The following CORO2B variants were observed in gnomAD, a reference collection of about 807,000 sequenced individuals.
The protein encoded by CORO2B is coronin-2B.
Under a neutral mutation model 58.8 loss-of-function variants are expected in CORO2B, and 26 were observed. The observed-to-expected ratio is 0.44, with a 90% CI of 0.32 to 0.61. The LOEUF (loss-of-function observed/expected upper bound fraction) is 0.61, where lower values mean the gene tolerates loss of function less well. Among genes scored for constraint, CORO2B ranks in the 20% least tolerant of loss-of-function variants. CORO2B has a pLI of 0.04. For synonymous variants in CORO2B, 242 were observed against 253.8 expected (o/e 0.95, Z 0.44); for missense variants, 460 against 645.1 (o/e 0.71, Z 3.11).
At chr15:68,598,463 A>C (rs1899895345) in intron 1 of CORO2B, among the ~76,000 whole-genome samples, 1 of 152,226 alleles carries the variant, frequency 6.6e-6, no homozygotes, top group Non-Finnish European at 1.5e-5. Flanking sequence ...ATCCAAGGGC[A>C]GCAGTCCAAT....
chr15:68,550,888 C>T, the CORO2B span, among the ~76,000 whole-genome samples: 3 of 152,216 alleles, frequency 2.0e-5, no homozygotes, highest in Admixed American at 6.5e-5. Flanking sequence ...AGGACTCGAA[C>T]GCAGCCCACC....
At chr15:68,600,859 A>G (rs1418927735) in intron 1 of CORO2B, among the ~76,000 whole-genome samples, 1 of 152,172 alleles carries the variant, frequency 6.6e-6, no homozygotes, top group African/African-American at 2.4e-5. Context: ...GAGGAAGGTG[A>G]GGAGGGAGAG....
chr15:68,629,844 G>A (rs1646091676), intron 1 of CORO2B, among the ~76,000 whole-genome samples: 1 of 152,148 alleles, frequency 6.6e-6, no homozygotes, highest in Admixed American at 6.5e-5. Context: ...GTGTGTCTGT[G>A]TGTGTGTGTT....
Position 68,645,101 on chromosome 15 carries a change from C to G in CORO2B, c.16-59C>G, listed in dbSNP as rs566317056. 2.6e-6 allele frequency: 4 copies of G among 1,559,764 alleles called. No homozygotes were observed. The South Asian group carries it at 4.6e-5, about 18-fold the overall frequency. On this transcript the variant is annotated intron_variant, in intron 1 of 11. Transcript: ENST00000261861. The surrounding 1 kb of genome is among the most constrained non-coding windows in gnomAD (Gnocchi z 4.5). ...CAGCTTCCCTCCCCCAAGAGCCCAGCCGAGGCCCTTCATGGCACAGGGCCC... is the reference window on the plus strand; with the variant it reads ...CAGCTTCCCTCCCCCAAGAGCCCAGGCGAGGCCCTTCATGGCACAGGGCCC...
chr15:68,637,142 C>G (rs986591922), intron 1 of CORO2B, among the ~76,000 whole-genome samples: 2 of 152,166 alleles, frequency 1.3e-5, no homozygotes, highest in South Asian at 2.1e-4. Flanking sequence ...GATGCATAAC[C>G]AAGTTTGGAA....
At chr15:68,721,751 T>TTTAC (rs1893166572) in intron 11 of CORO2B, among the ~76,000 whole-genome samples, 1 of 143,854 alleles carries the variant, frequency 7.0e-6, no homozygotes, top group African/African-American at 2.5e-5. Context: ...CTTGTATTTA[T>TTTAC]TTATTTATGT....
At chr15:68,564,827 T>C in the CORO2B span, among the ~76,000 whole-genome samples, 1 of 152,236 alleles carries the variant, frequency 6.6e-6, no homozygotes, top group East Asian at 1.9e-4. Context: ...CAGAAGGTGC[T>C]TCCCAAATAG....
intron 11 of CORO2B, among the ~76,000 whole-genome samples, chr15:68,720,728 C>G (rs1893140491): frequency 6.6e-6 from 1 of 152,170 alleles, no homozygotes; most frequent in Non-Finnish European, 1.5e-5. Flanking sequence ...AAGATGGAAG[C>G]TACAGTCTTT....
At chr15:68,597,045 A>G (rs997652307) in intron 1 of CORO2B, among the ~76,000 whole-genome samples, 2 of 150,376 alleles carry the variant, frequency 1.3e-5, no homozygotes, top group Non-Finnish European at 3.0e-5. Flanking sequence ...CTCGAGTCCA[A>G]CCTCATTAGT....
intron 1 of CORO2B, among the ~76,000 whole-genome samples, chr15:68,611,035 A>G (rs1011748215): frequency 2.6e-5 from 4 of 152,222 alleles, no homozygotes; most frequent in Non-Finnish European, 5.9e-5. Context: ...CACGTACTGA[A>G]CAACAGCTAA....
the CORO2B span, among the ~76,000 whole-genome samples, chr15:68,571,849 TG>T: frequency 2.0e-5 from 3 of 152,192 alleles, no homozygotes; most frequent in Non-Finnish European, 2.9e-5. Context: ...GCAATGGCAA[TG>T]CCTGGAGGTA....
chr15:68,691,731 G>C (rs1355934170), intron 2 of CORO2B, among the ~76,000 whole-genome samples: 1 of 151,740 alleles, frequency 6.6e-6, no homozygotes, highest in East Asian at 1.9e-4. Flanking sequence ...CCCGAGTGCA[G>C]GGCTCTGGCC....
At chr15:68,589,078 GTTA>G (rs1244668593) in intron 1 of CORO2B, among the ~76,000 whole-genome samples, 1 of 152,200 alleles carries the variant, frequency 6.6e-6, no homozygotes, top group Non-Finnish European at 1.5e-5. Flanking sequence ...ACAAACTCAA[GTTA>G]TTATGGATTG....
intron 8 of CORO2B, among the ~76,000 whole-genome samples, chr15:68,717,875 C>T (rs572883190): frequency 3.3e-5 from 5 of 152,310 alleles, no homozygotes; most frequent in African/African-American, 7.2e-5. Context: ...GTGCTCGTCA[C>T]GGTGCCAGGC....
At position 68,633,514 on chromosome 15, in the gene CORO2B, TACACACACACACACAC is replaced by T. The variant is rs147873341; in HGVS notation, c.16-11629_16-11614del. ...CCAAGAGGAAATGGTTACTCCAACA[TACACACACACACACAC>T]ACACACACACACACACTCACTCCTT... is the stretch of plus-strand genomic sequence containing the variant. On this transcript the variant is annotated intron_variant, in intron 1 of 11. Coordinates refer to ENST00000261861, the MANE Select transcript of CORO2B (RefSeq NM_006091.5). Among the ~76,000 whole-genome samples, 147 of 144,088 alleles carry T rather than the reference TACACACACACACACAC, an allele frequency of 1.0e-3. 1 individual carries two copies. The highest frequency in any genetic ancestry group is 3.5e-3 in the African/African-American group (134 of 38,744). 94.5% of individuals were successfully genotyped at this position (144,088 alleles called of 152,430 possible).
chr15:68,628,867 G>A (rs188887270), intron 1 of CORO2B, among the ~76,000 whole-genome samples: 9 of 152,338 alleles, frequency 5.9e-5, no homozygotes, highest in Non-Finnish European at 1.5e-5. Context: ...TGAGAGGGAT[G>A]CCCTCAGTTT....
intron 2 of CORO2B, among the ~76,000 whole-genome samples, chr15:68,676,795 A>G (rs1326485223): frequency 1.3e-5 from 2 of 151,824 alleles, no homozygotes; most frequent in Non-Finnish European, 2.9e-5. Context: ...TTTTTAAGAC[A>G]GAGTCATGCT....
intron 1 of CORO2B, among the ~76,000 whole-genome samples, chr15:68,615,980 A>T (rs890477130): frequency 1.3e-5 from 2 of 152,168 alleles, no homozygotes; most frequent in Non-Finnish European, 2.9e-5. Context: ...GCTGCCGTTT[A>T]TAGAACACCT....
rs1000025885 is a variant in CORO2B, at chr15:68,706,707, A to AT, written c.334-4016dup. On this transcript the variant is annotated intron_variant, in intron 3 of 11. Coordinates refer to ENST00000261861, the MANE Select transcript of CORO2B (RefSeq NM_006091.5). ...GTAGACATGAGAAAAGATGCCTGGT[A>AT]TTTTTTTTTCTTTTTTTTTAGAGAC... 2.5e-4 allele frequency among the ~76,000 whole-genome samples: 38 copies of AT among 151,136 alleles called. 1 individual carries two copies. Among genetic ancestry groups the AT allele is most frequent in the Admixed American group, 1.3e-3 (19 of 15,178 alleles).
Sources: gnomAD v4.1 joint callset for allele counts (sites outside exome capture counted in the v4.1 genomes callset) on GRCh38, gnomAD v4.1.1 for gene constraint, Gnocchi (gnomAD v3.1) non-coding constraint, MANE v1.5 for transcripts, NCBI Gene and HGNC (gene_info 2026-07-23, HGNC 2026-07-21) for gene names.